Variants in LOC400499 observed in about 807,000 individuals in gnomAD.
chr16:11,449,207 A>T, the LOC400499 span: 1 of 1,106,706 alleles, frequency 9.0e-7, no homozygotes, highest in Non-Finnish European at 1.2e-6. Flanking sequence ...ACTCCTCTTC[A>T]TCCCTCAAAA....
chr16:11,508,813 A>T, the LOC400499 span: 1 of 399,086 alleles, frequency 2.5e-6, no homozygotes, highest in Non-Finnish European at 4.4e-6. Flanking sequence ...CTCATACAGC[A>T]GGCTGCTTGG....
the LOC400499 span, among the ~76,000 whole-genome samples, chr16:11,477,324 G>A: frequency 3.9e-5 from 6 of 152,244 alleles, no homozygotes; most frequent in African/African-American, 1.4e-4. Flanking sequence ...GCTCAGCTGA[G>A]GGGCTGGGGA....
chr16:11,479,996 C>T, the LOC400499 span, among the ~76,000 whole-genome samples: 3 of 152,086 alleles, frequency 2.0e-5, no homozygotes, highest in South Asian at 2.1e-4. Context: ...CCCAGCTCTC[C>T]GGCTGCTCTA....
chr16:11,469,960 C>T, the LOC400499 span, among the ~76,000 whole-genome samples: 1 of 152,152 alleles, frequency 6.6e-6, no homozygotes, highest in South Asian at 2.1e-4. Context: ...GGAGTGTCAG[C>T]GGCATGATCT....
At chr16:11,383,634 C>A in the LOC400499 span, 12 of 1,232,254 alleles carry the variant, frequency 9.7e-6, no homozygotes, top group South Asian at 4.1e-4. Context: ...ATGGCTGGGG[C>A]AGCTTACCAC....
the LOC400499 span, among the ~76,000 whole-genome samples, chr16:11,458,615 G>C: frequency 1.2e-4 from 19 of 152,192 alleles, no homozygotes; most frequent in Non-Finnish European, 1.5e-5. Flanking sequence ...CTGGGAGAAG[G>C]AGAGAATGGG....
At chr16:11,491,524 G>T in the LOC400499 span, among the ~76,000 whole-genome samples, 4 of 152,028 alleles carry the variant, frequency 2.6e-5, no homozygotes, top group Non-Finnish European at 5.9e-5. Flanking sequence ...TGGGGGAGGG[G>T]AGAATACATA....
the LOC400499 span, chr16:11,460,529 A>G: frequency 6.5e-7 from 1 of 1,535,350 alleles, no homozygotes; most frequent in Non-Finnish European, 8.7e-7. Flanking sequence ...GCGCAGCTCC[A>G]GCCTGTAGGC....
At chr16:11,411,003 C>A in the LOC400499 span, among the ~76,000 whole-genome samples, 1 of 152,262 alleles carries the variant, frequency 6.6e-6, no homozygotes, top group East Asian at 1.9e-4. Flanking sequence ...GAGGAGGCCT[C>A]CCCCATCTCC....
the LOC400499 span, among the ~76,000 whole-genome samples, chr16:11,375,803 C>G: frequency 1.4e-5 from 2 of 146,408 alleles, no homozygotes; most frequent in African/African-American, 5.1e-5. Flanking sequence ...AATCTCGGCT[C>G]ACCGCAACCT....
At chr16:11,430,065 C>T in the LOC400499 span, among the ~76,000 whole-genome samples, 3 of 152,198 alleles carry the variant, frequency 2.0e-5, no homozygotes, top group Non-Finnish European at 4.4e-5. Flanking sequence ...GAAGGTGCCA[C>T]CTGACAAGAG....
the LOC400499 span, among the ~76,000 whole-genome samples, chr16:11,513,497 T>A: frequency 0.6 from 90,717 of 151,632 alleles, 27,519 homozygotes; most frequent in Admixed American, 0.66. Flanking sequence ...AGTGGCATGA[T>A]CTTGGCTCAC....
At chr16:11,401,335 G>C in the LOC400499 span, 18 of 399,360 alleles carry the variant, frequency 4.5e-5, no homozygotes, top group Non-Finnish European at 6.6e-5. Context: ...AAGGGAGGTT[G>C]AATGGGTGAG....
chr16:11,450,751 G>C, the LOC400499 span: 3 of 1,536,198 alleles, frequency 2.0e-6, no homozygotes, highest in Non-Finnish European at 2.6e-6. Flanking sequence ...CTGGAACACA[G>C]CTCGGTGTGG....
chr16:11,394,865 C>G, the LOC400499 span, among the ~76,000 whole-genome samples: 131 of 152,342 alleles, frequency 8.6e-4, 1 homozygote, highest in African/African-American at 3.1e-3. Context: ...TGACAACTTG[C>G]TTTTGGACTT....
chr16:11,384,419 G>T, the LOC400499 span: 3 of 596,698 alleles, frequency 5.0e-6, no homozygotes, highest in Admixed American at 8.7e-5. Flanking sequence ...TGTGAGATGA[G>T]CCTGAAGCAC....
chr16:11,460,625 C>T, the LOC400499 span: 2 of 1,517,986 alleles, frequency 1.3e-6, no homozygotes, highest in Non-Finnish European at 1.8e-6. Flanking sequence ...GTGGATCAAC[C>T]CAGAGACCCC....
the LOC400499 span, among the ~76,000 whole-genome samples, chr16:11,436,580 G>GT: frequency 3.3e-3 from 478 of 145,704 alleles, 2 homozygotes; most frequent in East Asian, 0.02. Context: ...CACAGGAAAA[G>GT]TTTTTTTTTT....
chr16:11,487,341 G>C, the LOC400499 span: 1 of 399,480 alleles, frequency 2.5e-6, no homozygotes, highest in African/African-American at 2.1e-5. Context: ...GGAGGCAGGA[G>C]AGAAGAGAAG....
Sources: allele counts gnomAD v4.1 joint callset (sites outside exome capture counted in the v4.1 genomes callset), GRCh38; gene constraint gnomAD v4.1.1; transcripts MANE v1.5.